Variants in NLGN4X observed in about 807,000 individuals in gnomAD.
NLGN4X encodes the protein neuroligin-4, X-linked.
NLGN4X carries 3 observed loss-of-function variants against 40.3 expected under a neutral mutation model. The observed-to-expected ratio is 0.07, with a 90% CI of 0.03 to 0.19. The LOEUF (loss-of-function observed/expected upper bound fraction) is 0.19, where lower values mean the gene tolerates loss of function less well. Among genes scored for constraint, NLGN4X ranks in the 10% least tolerant of loss-of-function variants. NLGN4X has a pLI of 1.00. For synonymous variants in NLGN4X, 270 were observed against 306.8 expected, an observed-to-expected ratio of 0.88 and a Z score of 1.25; for missense variants, 382 against 708.3, an observed-to-expected ratio of 0.54 and a Z score of 5.23.
intron 1 of NLGN4X, among the ~76,000 whole-genome samples, chrX:6,182,534 T>C (rs1227302946): frequency 8.9e-6 from 1 of 112,031 alleles, no homozygotes; most frequent in Non-Finnish European, 1.9e-5. Flanking sequence ...TCCCCAAAGC[T>C]ATCCACATCT....
chrX:6,078,771 T>C (rs763503093), intron 2 of NLGN4X, among the ~76,000 whole-genome samples: 67 of 111,495 alleles, frequency 6.0e-4, no homozygotes, highest in Admixed American at 2.2e-3. Flanking sequence ...TCAAGGTAAT[T>C]AGATGGCAAG....
At chrX:5,940,541 G>A (rs939233506) in intron 3 of NLGN4X, among the ~76,000 whole-genome samples, 11 of 107,449 alleles carry the variant, frequency 1.0e-4, no homozygotes, top group Non-Finnish European at 2.1e-4. Flanking sequence ...CCCCATTAAT[G>A]CTCAATACAC....
intron 2 of NLGN4X, among the ~76,000 whole-genome samples, chrX:6,043,927 C>T (rs1487763824): frequency 9.1e-6 from 1 of 110,403 alleles, no homozygotes; most frequent in Non-Finnish European, 1.9e-5. Context: ...CTCTTTTGAA[C>T]TTAGCCAATT....
At chrX:6,019,423 C>T (rs2036477127) in intron 3 of NLGN4X, among the ~76,000 whole-genome samples, 1 of 111,625 alleles carries the variant, frequency 9.0e-6, no homozygotes, top group Non-Finnish European at 1.9e-5. Context: ...TGTTTTGGTA[C>T]AGGCATGCAC....
intron 1 of NLGN4X, among the ~76,000 whole-genome samples, chrX:6,162,819 A>G (rs1220994446): frequency 8.9e-6 from 1 of 111,942 alleles, no homozygotes; most frequent in Non-Finnish European, 1.9e-5. Context: ...AGAAAGTACA[A>G]GAGTATATGA....
chrX:5,997,636 ACG>A (rs1436926713), intron 3 of NLGN4X, among the ~76,000 whole-genome samples: 1 of 25,708 alleles, frequency 3.9e-5, no homozygotes, highest in Non-Finnish European at 6.2e-5. Context: ...ATATATACAC[ACG>A]TATATATATA....
intron 2 of NLGN4X, among the ~76,000 whole-genome samples, chrX:6,038,946 T>G (rs1199236290): frequency 9.1e-6 from 1 of 110,370 alleles, no homozygotes. Context: ...CTTTGAAAAA[T>G]TTTGAAAAGA....
chrX:5,938,958 T>TGTGTGC (rs2033821167), intron 3 of NLGN4X, among the ~76,000 whole-genome samples: 3 of 94,694 alleles, frequency 3.2e-5, no homozygotes, highest in African/African-American at 1.5e-4. Flanking sequence ...TTTGTATTTG[T>TGTGTGC]GTGTGTGCGT....
intron 1 of NLGN4X, among the ~76,000 whole-genome samples, chrX:6,208,873 C>G (rs1924295093): frequency 1.8e-5 from 2 of 111,990 alleles, no homozygotes; most frequent in Non-Finnish European, 3.8e-5. Flanking sequence ...AGCAATCCCA[C>G]TACTGGGTAT....
In NLGN4X at chrX:6,190,088, TG is replaced by T. The variant is rs1211262751; in HGVS notation, c.-305-38318del. ...AAGTATGATTTTCTTCCAATTTGTATGTTAATGATCAAATGGGGGAGGTGGG... is the reference window on the plus strand; with the variant it reads ...AAGTATGATTTTCTTCCAATTTGTATTTAATGATCAAATGGGGGAGGTGGG... On this transcript the variant is annotated intron_variant, in intron 1 of 5. Coordinates refer to ENST00000381095, the MANE Select transcript of NLGN4X (RefSeq NM_181332.3). 2.7e-5 allele frequency among the ~76,000 whole-genome samples: 3 copies of T among 109,482 alleles called. No homozygotes were observed. In the East Asian group the frequency reaches 8.5e-4, roughly 31 times the overall value.
At chrX:6,128,270 T>G (rs1379984730) in intron 2 of NLGN4X, among the ~76,000 whole-genome samples, 2 of 111,869 alleles carry the variant, frequency 1.8e-5, no homozygotes, top group African/African-American at 3.3e-5. Flanking sequence ...GTAAATAGTC[T>G]CAGCAGAGAA....
chrX:6,067,527 G>C (rs2037952231), intron 2 of NLGN4X, among the ~76,000 whole-genome samples: 1 of 111,278 alleles, frequency 9.0e-6, no homozygotes. Context: ...GAGCTCATTG[G>C]AGTTCAATTC....
chrX:6,081,325 T>C (rs973537819), intron 2 of NLGN4X, among the ~76,000 whole-genome samples: 1 of 111,948 alleles, frequency 8.9e-6, no homozygotes, highest in Admixed American at 9.4e-5. Context: ...TTATGTTGCC[T>C]GGGCTGGTCA....
chrX:6,108,168 A>T (rs1211853462), intron 2 of NLGN4X, among the ~76,000 whole-genome samples: 1 of 112,075 alleles, frequency 8.9e-6, no homozygotes, highest in East Asian at 2.8e-4. Context: ...AACAAAATAA[A>T]GACTCAAAGT....
intron 3 of NLGN4X, among the ~76,000 whole-genome samples, chrX:5,953,214 A>T (rs181575842): frequency 8.4e-4 from 93 of 110,538 alleles, no homozygotes; most frequent in Admixed American, 2.2e-3. Flanking sequence ...ACACAAAATT[A>T]AAAAAATAAT....
rs374097705 is a variant in NLGN4X, at chrX:6,196,551, C to CAAAAAAAAAAAAA, written c.-306+31977_-306+31989dup. Among the ~76,000 whole-genome samples the CAAAAAAAAAAAAA allele has an allele frequency of 1.3e-4, 3 of 23,318 alleles. 1 individual carries two copies. Among genetic ancestry groups the CAAAAAAAAAAAAA allele is most frequent in the Admixed American group, 7.3e-4 (1 of 1,362 alleles). The allele number at this position is 23,318 out of a possible 115,157, so 20.2% of individuals were successfully genotyped here. ...TGGGCGACAGAGCGAGACTCTGTCT[C>CAAAAAAAAAAAAA]AAAAAAAAAAAAAAAAAAAAAAAAA... On this transcript the variant is annotated intron_variant, in intron 1 of 5. Coordinates refer to ENST00000381095, the MANE Select transcript of NLGN4X (RefSeq NM_181332.3).
intron 2 of NLGN4X, among the ~76,000 whole-genome samples, chrX:6,084,389 A>T (rs1407092543): frequency 9.0e-6 from 1 of 111,631 alleles, no homozygotes; most frequent in Non-Finnish European, 1.9e-5. Flanking sequence ...TGGCCATTGG[A>T]CACAGGAGGA....
chrX:6,150,315 ATTG>A (rs971080989), intron 2 of NLGN4X, among the ~76,000 whole-genome samples: 7 of 112,449 alleles, frequency 6.2e-5, no homozygotes, highest in African/African-American at 1.3e-4. Context: ...ACAGACTTTC[ATTG>A]TTGTTTTATA....
At chrX:6,125,500 G>A (rs758227613) in intron 2 of NLGN4X, among the ~76,000 whole-genome samples, 10 of 109,752 alleles carry the variant, frequency 9.1e-5, no homozygotes, top group African/African-American at 3.3e-4. Context: ...CTTTAAAGAG[G>A]AAAATCATTT....
Sources: allele counts gnomAD v4.1 joint callset (sites outside exome capture counted in the v4.1 genomes callset), GRCh38; gene constraint gnomAD v4.1.1; transcripts MANE v1.5; gene names NCBI Gene and HGNC (gene_info 2026-07-23, HGNC 2026-07-21).